Variants in RARB observed in about 807,000 individuals in gnomAD.
The protein encoded by RARB is HBV-activated protein.
Under a neutral mutation model 51.9 loss-of-function variants are expected in RARB, and 17 were observed. The ratio of observed to expected loss-of-function variants is 0.33; its 90% CI spans 0.22 to 0.49. RARB has a LOEUF of 0.49. Among genes scored for constraint, RARB ranks in the 20% least tolerant of loss-of-function variants. The probability of loss-of-function intolerance (pLI) is 0.99; values close to 1 mark genes in which losing one functional copy is unlikely to be tolerated. For missense variants in RARB, 369 were observed against 550.8 expected, an observed-to-expected ratio of 0.67 and a Z score of 3.30; for synonymous variants, 215 against 195.4, an observed-to-expected ratio of 1.10 and a Z score of -0.84.
intron 2 of RARB, among the ~76,000 whole-genome samples, chr3:24,917,984 C>A (rs1420487922): frequency 1.3e-5 from 2 of 152,212 alleles, no homozygotes; most frequent in African/African-American, 4.8e-5. Context: ...CTTTAGGAAA[C>A]AATTTGTCGG....
At chr3:25,200,701 C>T (rs1464854494) in intron 5 of RARB, among the ~76,000 whole-genome samples, 3 of 152,016 alleles carry the variant, frequency 2.0e-5, no homozygotes, top group African/African-American at 7.2e-5. Context: ...AATAGGTAAT[C>T]CTTTCCCCAT....
At chr3:25,253,882 T>C (rs1048025500) in intron 5 of RARB, among the ~76,000 whole-genome samples, 30 of 152,134 alleles carry the variant, frequency 2.0e-4, no homozygotes, top group Non-Finnish European at 3.8e-4. Context: ...AACGATAACT[T>C]GTGAGAACCT....
chr3:25,504,553 G>A (rs1559439168), intron 3 of RARB, among the ~76,000 whole-genome samples: 1 of 152,072 alleles, frequency 6.6e-6, no homozygotes, highest in Admixed American at 6.5e-5. Context: ...GGGGAGTGTG[G>A]AAGAAAATGT....
chr3:25,163,944 T>G (rs751859869), intron 4 of RARB, among the ~76,000 whole-genome samples: 3 of 152,178 alleles, frequency 2.0e-5, no homozygotes, highest in Non-Finnish European at 4.4e-5. Context: ...AGGAACTAAC[T>G]GCGTCTCACA....
At chr3:24,936,004 G>A (rs1695541037) in intron 2 of RARB, among the ~76,000 whole-genome samples, 1 of 152,116 alleles carries the variant, frequency 6.6e-6, no homozygotes, top group Admixed American at 6.5e-5. Context: ...GAGGGGATCT[G>A]GATGTCTTCT....
intron 4 of RARB, among the ~76,000 whole-genome samples, chr3:25,145,722 T>C (rs543367272): frequency 6.6e-6 from 1 of 152,220 alleles, no homozygotes; most frequent in Admixed American, 6.5e-5. Flanking sequence ...AAAAAATTCA[T>C]GCCTGGCCAG....
At chr3:25,091,416 G>T (rs1559463002) in intron 3 of RARB, among the ~76,000 whole-genome samples, 2 of 152,150 alleles carry the variant, frequency 1.3e-5, no homozygotes, top group Admixed American at 1.3e-4. Flanking sequence ...AACAGGAAAA[G>T]TGCAGAGAAG....
At chr3:24,859,321 G>A (rs1398228936) in intron 2 of RARB, among the ~76,000 whole-genome samples, 1 of 152,158 alleles carries the variant, frequency 6.6e-6, no homozygotes, top group African/African-American at 2.4e-5. Flanking sequence ...GACTGAGAAA[G>A]TGGGAATGGA....
chr3:25,081,260 G>T (rs535282822), intron 3 of RARB, among the ~76,000 whole-genome samples: 1 of 151,756 alleles, frequency 6.6e-6, no homozygotes. Flanking sequence ...TTGAATTCAG[G>T]TATGTTCAGA....
At chr3:25,545,943 G>A (rs142469200) in intron 3 of RARB, among the ~76,000 whole-genome samples, 162 of 152,302 alleles carry the variant, frequency 1.1e-3, no homozygotes, top group African/African-American at 3.7e-3. Flanking sequence ...GAATCAGGTT[G>A]TAATTTTTGA....
chr3:25,138,886 G>A (rs764409543), intron 4 of RARB, among the ~76,000 whole-genome samples: 7 of 152,110 alleles, frequency 4.6e-5, no homozygotes, highest in Non-Finnish European at 2.9e-5. Flanking sequence ...TGTTGATCAA[G>A]TCTGTTAGCA....
At chr3:25,092,983 A>G (rs1699225871) in intron 3 of RARB, among the ~76,000 whole-genome samples, 2 of 152,306 alleles carry the variant, frequency 1.3e-5, no homozygotes, top group South Asian at 4.1e-4. Context: ...ATGATATTCC[A>G]ATTGCCTTTC....
intron 1 of RARB, among the ~76,000 whole-genome samples, chr3:25,453,431 G>T (rs1165189427): frequency 6.6e-6 from 1 of 151,970 alleles, no homozygotes; most frequent in Non-Finnish European, 1.5e-5. Flanking sequence ...ATTTTTAGTA[G>T]AGATGGGGTT....
chr3:25,010,294 T>A (rs1697366555), intron 2 of RARB, among the ~76,000 whole-genome samples: 1 of 152,102 alleles, frequency 6.6e-6, no homozygotes. Context: ...CTGTAATGTT[T>A]AAACTAGTAC....
intron 4 of RARB, among the ~76,000 whole-genome samples, chr3:25,171,647 A>AAAAAAAAAAAAAC (rs1553639738): frequency 2.7e-5 from 4 of 146,172 alleles, no homozygotes; most frequent in Non-Finnish European, 6.0e-5. Context: ...GGTTGGTAAA[A>AAAAAAAAAAAAAC]AAAAAAAAAA....
intron 5 of RARB, among the ~76,000 whole-genome samples, chr3:25,178,178 A>G (rs1392037606): frequency 1.3e-5 from 2 of 152,092 alleles, no homozygotes; most frequent in Admixed American, 1.3e-4. Context: ...CTTAAAGAAG[A>G]AAAGTTATTT....
intron 2 of RARB, among the ~76,000 whole-genome samples, chr3:24,983,742 T>C (rs1257440352): frequency 6.6e-6 from 1 of 152,038 alleles, no homozygotes; most frequent in South Asian, 2.1e-4. Context: ...GTCTGTCTGC[T>C]TCTCCTCTAT....
intron 2 of RARB, among the ~76,000 whole-genome samples, chr3:24,879,553 G>T (rs1703116284): frequency 6.7e-6 from 1 of 148,802 alleles, no homozygotes; most frequent in African/African-American, 2.5e-5. Context: ...GCTGGGTGTG[G>T]TGGCTCTCCT....
chr3:25,575,174 G>A (rs1319033296), intron 4 of RARB, among the ~76,000 whole-genome samples: 1 of 152,152 alleles, frequency 6.6e-6, no homozygotes, highest in African/African-American at 2.4e-5. Context: ...GCACTTTGCA[G>A]TAGGGTTCAT....
Sources: gnomAD v4.1 joint callset for allele counts (sites outside exome capture counted in the v4.1 genomes callset) on GRCh38, gnomAD v4.1.1 for gene constraint, MANE v1.5 for transcripts, NCBI Gene and HGNC (gene_info 2026-07-23, HGNC 2026-07-21) for gene names.